The following TNRC6A variants were observed in gnomAD, a reference collection of about 807,000 sequenced individuals.
The protein encoded by TNRC6A is trinucleotide repeat containing adaptor 6A.
TNRC6A carries 44 observed loss-of-function variants against 221.2 expected under a neutral mutation model. That is an observed-to-expected ratio of 0.20 (90% CI 0.16 to 0.26). TNRC6A has a LOEUF of 0.26. Among genes scored for constraint, TNRC6A ranks in the 10% least tolerant of loss-of-function variants. TNRC6A has a pLI of 1.00. For missense variants in TNRC6A, 2,199 were observed against 2,404.4 expected, an observed-to-expected ratio of 0.91 and a Z score of 1.79; for synonymous variants, 847 against 838.5, an observed-to-expected ratio of 1.01 and a Z score of -0.18.
At chr16:24,672,553 C>T (rs903041454) in intron 2 of TNRC6A, among the ~76,000 whole-genome samples, 1 of 152,048 alleles carries the variant, frequency 6.6e-6, no homozygotes, top group Non-Finnish European at 1.5e-5. Flanking sequence ...GCGATTTTCC[C>T]ATCTCAGCCT....
In TNRC6A at chr16:24,729,772, G is replaced by C; in HGVS notation, c.-70G>C. The C allele has an allele frequency of 7.3e-7, 1 of 1,374,730 alleles. No individual in the cohort carries two copies. Among genetic ancestry groups the C allele is most frequent in the Non-Finnish European group, 9.4e-7 (1 of 1,061,268 alleles). 85.2% of individuals were successfully genotyped at this position (1,374,730 alleles called of 1,614,324 possible). A position where few individuals can be genotyped will look rare whatever the true frequency, so the allele number is the denominator to read the frequency against. ...TGCAGCGGCTCGGGCCTCTCCCCGC[G>C]GCGCTGCGGAGGGCTTGAGGCTCGC... is the stretch of plus-strand genomic sequence containing the variant. On this transcript the variant is annotated 5_prime_UTR_variant, in exon 1 of 25. Coordinates refer to ENST00000395799, the MANE Select transcript of TNRC6A (RefSeq NM_014494.4).
rs994679268 is a variant in TNRC6A at position 24,765,151 on chromosome 16, A to G, written c.163+6791A>G. On this transcript the variant is annotated intron_variant, in intron 4 of 24. Transcript: ENST00000395799. ...CCAGTTTTAATTTTTGTGGGAATCC[A>G]TAAGACCTTAAGTTTCCCAATTACA... 4.6e-5 allele frequency among the ~76,000 whole-genome samples: 7 copies of G among 152,214 alleles called. 1 individual carries two copies. The highest frequency in any genetic ancestry group is 2.0e-4 in the Admixed American group (3 of 15,282).
intron 7 of TNRC6A, among the ~76,000 whole-genome samples, 153 bp downstream of exon 7, chr16:24,793,802 T>C (rs573421543): frequency 7.2e-4 from 110 of 152,378 alleles, no homozygotes; most frequent in African/African-American, 2.6e-3. Context: ...CTCTTTGATT[T>C]TGTAACGTGG....
chr16:24,818,765 A>G (rs778880311), intron 21 of TNRC6A, 65 bp downstream of exon 21: 43 of 1,233,796 alleles, frequency 3.5e-5, no homozygotes, highest in Non-Finnish European at 4.5e-5. Context: ...TGTTGTTTTA[A>G]TGCCCTCTTC....
At chr16:24,761,923 C>T (rs1720400975) in intron 4 of TNRC6A, among the ~76,000 whole-genome samples, 1 of 152,188 alleles carries the variant, frequency 6.6e-6, no homozygotes, top group African/African-American at 2.4e-5. Flanking sequence ...TTTTCTCTCT[C>T]TCTCCTGACC....
At chr16:24,696,813 A>AG (rs1293374677) in intron 2 of TNRC6A, among the ~76,000 whole-genome samples, 2 of 151,214 alleles carry the variant, frequency 1.3e-5, no homozygotes, top group Admixed American at 1.3e-4. Flanking sequence ...GAAGGAAAGA[A>AG]GGGCTTTCAT....
intron 1 of TNRC6A, among the ~76,000 whole-genome samples, chr16:24,614,122 T>G (rs1403709356): frequency 6.6e-6 from 1 of 152,174 alleles, no homozygotes. Context: ...GTCTGCTGAT[T>G]GGCAGGGGCA....
At chr16:24,678,621 C>T (rs912124094) in intron 2 of TNRC6A, among the ~76,000 whole-genome samples, 6 of 152,174 alleles carry the variant, frequency 3.9e-5, no homozygotes, top group African/African-American at 1.4e-4. Flanking sequence ...GGGAGGATCA[C>T]TTGAGCCTGG....
chr16:24,672,154 C>T (rs1034049347), intron 2 of TNRC6A, among the ~76,000 whole-genome samples: 4 of 152,138 alleles, frequency 2.6e-5, no homozygotes, highest in African/African-American at 9.7e-5. Flanking sequence ...CGGAGTCTTG[C>T]TATGTCACCC....
Position 24,805,080 on chromosome 16 carries a change from C to T in TNRC6A, c.4051C>T (p.Pro1351Ser). 6.2e-7 allele frequency: 1 copy of T among 1,614,170 alleles called. No homozygotes were observed. The part of the protein sequence containing the change: ...AAQPRGMQQP[P>S]AQPLSSSQPN... ...ACAACCCCGGGGCATGCAGCAGCCT[C>T]CAGCACAACCTCTTAGTTCATCTCA... Residue 1351 changes from proline to serine, a missense_variant, in exon 14 of 25, where the codon CCA (proline) becomes TCA (serine). Coordinates refer to ENST00000395799, the MANE Select transcript of TNRC6A (RefSeq NM_014494.4).
chr16:24,771,582 T>TTGTTATGTTATGTTATGTTATGTTA lies in TNRC6A; in HGVS notation c.164-5329_164-5305dup, dbSNP rs10625690. ...ATGTTTTATGTTATGTTATGTTATG[T>TTGTTATGTTATGTTATGTTATGTTA]TGTTATGTTATGTTATGTTATGTTA... On this transcript the variant is annotated intron_variant, in intron 4 of 24. Coordinates refer to ENST00000395799, the MANE Select transcript of TNRC6A (RefSeq NM_014494.4). Among the ~76,000 whole-genome samples the TTGTTATGTTATGTTATGTTATGTTA allele has an allele frequency of 1.5e-3, 139 of 95,542 alleles. 1 individual carries two copies. The highest frequency in any genetic ancestry group is 5.4e-3 in the African/African-American group (125 of 23,014). The allele number at this position is 95,542 out of a possible 152,430, so 62.7% of individuals were successfully genotyped here. A position where few individuals can be genotyped will look rare whatever the true frequency, so the allele number is the denominator to read the frequency against.
intron 2 of TNRC6A, 152 bp from the exon 3 acceptor site, chr16:24,750,574 G>A: frequency 1.1e-6 from 1 of 921,420 alleles, no homozygotes; most frequent in Non-Finnish European, 1.5e-6. Context: ...GTTAGGGTTA[G>A]GTTGCAGGTT....
At chr16:24,677,786 A>G (rs148581063) in intron 2 of TNRC6A, among the ~76,000 whole-genome samples, 1 of 152,262 alleles carries the variant, frequency 6.6e-6, no homozygotes, top group Non-Finnish European at 1.5e-5. Flanking sequence ...TAGTCAGTAC[A>G]TATCTGTTGG....
intron 2 of TNRC6A, among the ~76,000 whole-genome samples, chr16:24,646,807 A>G (rs112896610): frequency 0.015 from 2,309 of 152,324 alleles, 26 homozygotes; most frequent in Non-Finnish European, 0.023. Context: ...TGACTCAGCT[A>G]AATTGTGCAA....
Position 24,826,165 on chromosome 16 carries a change from GTGTT to G in TNRC6A, c.*2361_*2364del, listed in dbSNP as rs770332920. On this transcript the variant is annotated 3_prime_UTR_variant, in exon 25 of 25. Transcript: ENST00000395799. ...TAACTGCGTTAATTGTATTGTTAAA[GTGTT>G]TGGGAGTTTTTTGCGCTTGTTATGT... 2 of 152,658 alleles carry G rather than the reference GTGTT, an allele frequency of 1.3e-5. No individual in the cohort carries two copies. The highest frequency in any genetic ancestry group is 4.1e-4 in the South Asian group (2 of 4,830). The allele number at this position is 152,658 out of a possible 1,614,324, so 9.5% of individuals were successfully genotyped here.
At position 24,805,117 on chromosome 16, in the gene TNRC6A, G is replaced by A. The variant is rs767509756; in HGVS notation, c.4088G>A (p.Arg1363His). ...QPLSSSQPNL[R>H]AQVPPPLLSP... is the part of the protein sequence containing the mutation. ...CTTAGTTCATCTCAGCCTAATCTCC[G>A]TGCTCAAGTGCCTCCTCCATTACTC... Residue 1363 changes from arginine to histidine, a missense_variant, in exon 14 of 25, where the codon CGT becomes CAT. Physicochemically the swap from Arg to His is conservative, Grantham distance 29 (BLOSUM62 0). Coordinates refer to ENST00000395799, the MANE Select transcript of TNRC6A (RefSeq NM_014494.4). The A allele has an allele frequency of 2.5e-5, 40 of 1,613,980 alleles. No individual in the cohort carries two copies. Among genetic ancestry groups the A allele is most frequent in the African/African-American group, 5.3e-5 (4 of 74,888 alleles).
chr16:24,791,779 C>G lies in TNRC6A; in HGVS notation c.3137C>G (p.Ala1046Gly), dbSNP rs1341618681. The G allele has an allele frequency of 3.2e-6, 5 of 1,575,090 alleles. No homozygotes were observed. The highest frequency in any genetic ancestry group is 1.4e-5 in the African/African-American group (1 of 72,766). ...CAGGTACATCAGCTGCTAACGCCTG[C>G]AAGTGCCATCTCAAACAAAGAGGCA... ...QAQVHQLLTP[A>G]SAISNKEASS... is the part of the protein sequence containing the mutation. Residue 1046 changes from alanine (A) to glycine (G), a missense_variant, in exon 6 of 25, where the codon GCA (alanine) becomes GGA (glycine). By Grantham distance (60) the Ala-to-Gly change is moderately conservative (BLOSUM62 0). Coordinates refer to ENST00000395799, the MANE Select transcript of TNRC6A (RefSeq NM_014494.4).
intron 2 of TNRC6A, among the ~76,000 whole-genome samples, chr16:24,699,197 T>C (rs1464135624): frequency 6.6e-6 from 1 of 152,202 alleles, no homozygotes; most frequent in Non-Finnish European, 1.5e-5. Context: ...CCAGTGTGTA[T>C]GTGCCATGAA....
intron 1 of TNRC6A, among the ~76,000 whole-genome samples, chr16:24,621,345 CTT>C (rs1265818474): frequency 0.065 from 4,832 of 73,874 alleles, 106 homozygotes; most frequent in Middle Eastern, 0.11. Context: ...AGAATATGGT[CTT>C]TTTTTTTTTT....
Sources: gnomAD v4.1 joint callset for allele counts (sites outside exome capture counted in the v4.1 genomes callset) on GRCh38, gnomAD v4.1.1 for gene constraint, MANE v1.5 for transcripts, NCBI Gene and HGNC (gene_info 2026-07-23, HGNC 2026-07-21) for gene names.